ZNF804A: variants seen among roughly 807,000 people sequenced by gnomAD.
The protein encoded by ZNF804A is zinc finger protein 804A.
Under a neutral mutation model 16.5 loss-of-function variants are expected in ZNF804A, and 2 were observed. The ratio of observed to expected loss-of-function variants is 0.12; its 90% CI spans 0.05 to 0.38. ZNF804A has a LOEUF of 0.38. ZNF804A is among the 10% of genes least tolerant of loss of function. The pLI, the probability that ZNF804A is intolerant of heterozygous loss-of-function variation, is 0.99. For missense variants in ZNF804A, 1,473 were observed against 1,390.7 expected (o/e 1.06, Z -0.94); for synonymous variants, 534 against 489.6 (o/e 1.09, Z -1.20).
chr2:184,718,686 T>G (rs1693251902), intron 1 of ZNF804A, among the ~76,000 whole-genome samples: 1 of 152,144 alleles, frequency 6.6e-6, no homozygotes, highest in African/African-American at 2.4e-5. Flanking sequence ...CTTGACTCCA[T>G]GTCTCACATC....
chr2:184,763,114 T>C (rs565796943), intron 1 of ZNF804A, among the ~76,000 whole-genome samples: 48 of 152,292 alleles, frequency 3.2e-4, no homozygotes, highest in South Asian at 1.7e-3. Context: ...ATCTCAATTC[T>C]CATGGCCACC....
chr2:184,610,743 A>G (rs1691223554), intron 1 of ZNF804A, among the ~76,000 whole-genome samples: 1 of 152,164 alleles, frequency 6.6e-6, no homozygotes, highest in Non-Finnish European at 1.5e-5. Flanking sequence ...TGAGAAGAAA[A>G]TGACTGCTTT....
chr2:184,692,491 C>T (rs1323950228), intron 1 of ZNF804A, among the ~76,000 whole-genome samples: 2 of 152,148 alleles, frequency 1.3e-5, no homozygotes, highest in Non-Finnish European at 2.9e-5. Context: ...AAATAATAAG[C>T]ATTACTCCTA....
intron 2 of ZNF804A, among the ~76,000 whole-genome samples, chr2:184,910,914 A>T (rs112984418): frequency 3.3e-5 from 5 of 152,132 alleles, no homozygotes; most frequent in African/African-American, 1.2e-4. Context: ...ATTTTCTCCC[A>T]TTCTGCAGGT....
At chr2:184,642,000 T>C (rs945523707) in intron 1 of ZNF804A, among the ~76,000 whole-genome samples, 3 of 152,160 alleles carry the variant, frequency 2.0e-5, no homozygotes, top group Non-Finnish European at 4.4e-5. Context: ...CCTTTAACTT[T>C]TAATGTCTGT....
chr2:184,814,811 A>G (rs989085322), intron 1 of ZNF804A, among the ~76,000 whole-genome samples: 1 of 152,046 alleles, frequency 6.6e-6, no homozygotes, highest in African/African-American at 2.4e-5. Context: ...TTGCTCTTGC[A>G]TATCTGTTGG....
At chr2:184,642,276 C>T (rs1228777491) in intron 1 of ZNF804A, among the ~76,000 whole-genome samples, 1 of 151,992 alleles carries the variant, frequency 6.6e-6, no homozygotes, top group African/African-American at 2.4e-5. Flanking sequence ...ACACTGTTTT[C>T]TTTTGTTAAT....
In ZNF804A at chr2:184,938,521, A is replaced by G. The variant is rs1483958040; in HGVS notation, c.3125A>G (p.Asp1042Gly). The G allele has an allele frequency of 1.9e-6, 3 of 1,613,968 alleles. No individual in the cohort carries two copies. Among genetic ancestry groups the G allele is most frequent in the Non-Finnish European group, 2.5e-6 (3 of 1,180,018 alleles). The change falls in exon 4 of 4, where the codon GAC becomes GGC. Residue 1042 changes from aspartate (D) to glycine (G), a missense_variant. Physicochemically the swap from Asp to Gly is moderately conservative, Grantham distance 94. Transcript: ENST00000302277. ...TTATTGATCCCACTAGAAAACCATG[A>G]CAAATTCAAAAATGTACCATGTGAG... ...QALLIPLENH[D>G]KFKNVPCEVY...
chr2:184,741,601 G>T (rs767753711), intron 1 of ZNF804A, among the ~76,000 whole-genome samples: 4 of 152,114 alleles, frequency 2.6e-5, no homozygotes, highest in African/African-American at 9.7e-5. Flanking sequence ...CAGAGGCTTA[G>T]AGATTACTTC....
chr2:184,798,597 T>C (rs1694673958), intron 1 of ZNF804A, among the ~76,000 whole-genome samples: 1 of 152,160 alleles, frequency 6.6e-6, no homozygotes, highest in Admixed American at 6.5e-5. Context: ...TGATTGTTTT[T>C]TCTTTATGCT....
intron 1 of ZNF804A, among the ~76,000 whole-genome samples, chr2:184,838,138 A>C (rs1695382745): frequency 6.6e-6 from 1 of 151,996 alleles, no homozygotes; most frequent in South Asian, 2.1e-4. Flanking sequence ...TAAGACAGAG[A>C]ATTTTTTTTT....
intron 1 of ZNF804A, among the ~76,000 whole-genome samples, chr2:184,736,716 A>G (rs1447628737): frequency 6.6e-6 from 1 of 152,148 alleles, no homozygotes; most frequent in Non-Finnish European, 1.5e-5. Context: ...AAAAAAGAAA[A>G]AGGAAAAAAG....
intron 1 of ZNF804A, among the ~76,000 whole-genome samples, chr2:184,738,972 T>C (rs1184578426): frequency 6.6e-6 from 1 of 152,222 alleles, no homozygotes; most frequent in Admixed American, 6.5e-5. Flanking sequence ...TGTAGAATCA[T>C]TTATGATAAT....
chr2:184,924,830 T>C (rs1182866667), intron 2 of ZNF804A, among the ~76,000 whole-genome samples: 1 of 151,950 alleles, frequency 6.6e-6, no homozygotes. Context: ...TGTTTCATTT[T>C]CCTTTATTTG....
intron 1 of ZNF804A, among the ~76,000 whole-genome samples, chr2:184,844,237 C>A (rs1197588483): frequency 6.6e-6 from 1 of 151,164 alleles, no homozygotes; most frequent in Non-Finnish European, 1.5e-5. Context: ...ATATAATCAG[C>A]CACTTCATTT....
intron 1 of ZNF804A, among the ~76,000 whole-genome samples, chr2:184,806,285 T>C (rs1057290000): frequency 6.6e-6 from 1 of 151,900 alleles, no homozygotes; most frequent in Admixed American, 6.6e-5. Context: ...GTAGTCTTTT[T>C]CCCTCGTGTC....
intron 2 of ZNF804A, among the ~76,000 whole-genome samples, chr2:184,874,212 T>C (rs533429923): frequency 7.2e-5 from 11 of 152,192 alleles, no homozygotes; most frequent in African/African-American, 2.6e-4. Context: ...AAATGATGAA[T>C]ACAAAACTCA....
At chr2:184,655,544 A>G (rs1692062280) in intron 1 of ZNF804A, among the ~76,000 whole-genome samples, 1 of 152,174 alleles carries the variant, frequency 6.6e-6, no homozygotes, top group South Asian at 2.1e-4. Context: ...TGTTTAATAG[A>G]TTATAAAATT....
intron 2 of ZNF804A, among the ~76,000 whole-genome samples, chr2:184,898,122 C>A (rs944393541): frequency 1.3e-5 from 2 of 152,064 alleles, no homozygotes; most frequent in African/African-American, 4.8e-5. Flanking sequence ...AACATCTAAA[C>A]ATGTCAGTTT....
Sources: allele counts gnomAD v4.1 joint callset (sites outside exome capture counted in the v4.1 genomes callset), GRCh38; gene constraint gnomAD v4.1.1; transcripts MANE v1.5; gene names NCBI Gene and HGNC (gene_info 2026-07-23, HGNC 2026-07-21).